Variants in SVEP1 observed in about 807,000 individuals in gnomAD.
The protein encoded by SVEP1 is sushi, von Willebrand factor type A, EGF and pentraxin domain-containing protein 1.
Under a neutral mutation model 367.3 loss-of-function variants are expected in SVEP1, and 164 were observed. That is an observed-to-expected ratio of 0.45 (90% CI 0.39 to 0.51). SVEP1 has a LOEUF of 0.51. Ranked by LOEUF, SVEP1 falls within the 20% of genes least tolerant of loss-of-function variation. The probability of loss-of-function intolerance (pLI) is 0.00; values close to 1 mark genes in which losing one functional copy is unlikely to be tolerated. For synonymous variants in SVEP1, 1,666 were observed against 1,611.6 expected, an observed-to-expected ratio of 1.03 and a Z score of -0.81; for missense variants, 4,117 against 4,425.3, an observed-to-expected ratio of 0.93 and a Z score of 1.98.
chr9:110,540,237 A>G (rs1345499265), intron 3 of SVEP1, among the ~76,000 whole-genome samples: 2 of 152,128 alleles, frequency 1.3e-5, no homozygotes, highest in Non-Finnish European at 2.9e-5. Context: ...TACTAGTAAC[A>G]GAGGTGGAAA....
intron 3 of SVEP1, among the ~76,000 whole-genome samples, chr9:110,539,304 G>A (rs1268300735): frequency 4.6e-5 from 7 of 152,112 alleles, no homozygotes; most frequent in Admixed American, 2.0e-4. Context: ...AATAGCATAC[G>A]AGCTGCAGAA....
intron 5 of SVEP1, among the ~76,000 whole-genome samples, chr9:110,505,818 TC>T (rs768992676): frequency 7.2e-6 from 1 of 139,486 alleles, no homozygotes; most frequent in South Asian, 2.3e-4. Flanking sequence ...TTCTTTTCTC[TC>T]TTTTTTTTTT....
intron 3 of SVEP1, among the ~76,000 whole-genome samples, chr9:110,528,107 T>C (rs2118807844): frequency 7.0e-6 from 1 of 142,366 alleles, no homozygotes; most frequent in Middle Eastern, 3.7e-3. Flanking sequence ...CATACACACA[T>C]ATACATATAT....
intron 3 of SVEP1, among the ~76,000 whole-genome samples, chr9:110,521,660 G>T (rs1829877596): frequency 6.6e-6 from 1 of 152,146 alleles, no homozygotes; most frequent in South Asian, 2.1e-4. Flanking sequence ...ATCCTTTGTT[G>T]TTGAAAGCTC....
rs138841599 is a variant in SVEP1 at position 110,368,039 on chromosome 9, T to C, written c.10695-1479A>G. ...GTTGCAGTAAGCCGAGATTGCACAC[T>C]GCATGCCAGCCTGGGCATCTGAGTG... On this transcript the variant is annotated intron_variant, in intron 47 of 47. Transcript: ENST00000374469. Among the ~76,000 whole-genome samples the C allele has an allele frequency of 6.8e-3, 1,035 of 152,202 alleles. 18 individuals are homozygous for C. The highest frequency in any genetic ancestry group is 0.023 in the African/African-American group (974 of 41,516).
intron 43 of SVEP1, among the ~76,000 whole-genome samples, chr9:110,382,683 A>T (rs978695816): frequency 1.3e-5 from 2 of 151,978 alleles, no homozygotes; most frequent in Admixed American, 6.6e-5. Context: ...TTCTATACTC[A>T]TCTCTTTCAG....
intron 46 of SVEP1, among the ~76,000 whole-genome samples, chr9:110,373,640 G>T (rs1029023066): frequency 2.7e-5 from 4 of 145,460 alleles, no homozygotes; most frequent in Admixed American, 2.7e-4. Flanking sequence ...TTAAGTGGTG[G>T]CTTAAAATTT....
Position 110,366,383 on chromosome 9 carries a change from A to C in SVEP1, c.*156T>G. 1.7e-6 allele frequency: 1 copy of C among 602,700 alleles called. No homozygotes were observed. The highest frequency in any genetic ancestry group is 2.6e-6 in the Non-Finnish European group (1 of 389,252). 37.3% of individuals were successfully genotyped at this position (602,700 alleles called of 1,614,324 possible). On this transcript the variant is annotated 3_prime_UTR_variant, in exon 48 of 48. Transcript: ENST00000374469. The stretch of plus-strand genomic sequence containing the variant: ...AAAGTATGTCACAAGGAATAACAAA[A>C]TATATCACAAAATAAAAAAAGTAAC...
chr9:110,460,039 T>C (rs1332207817), intron 18 of SVEP1, among the ~76,000 whole-genome samples: 4 of 152,238 alleles, frequency 2.6e-5, no homozygotes, highest in African/African-American at 9.6e-5. Flanking sequence ...GACTCCTCCT[T>C]ATTTAATACT....
intron 13 of SVEP1, among the ~76,000 whole-genome samples, chr9:110,477,926 A>G (rs1024912409): frequency 1.3e-5 from 2 of 152,126 alleles, no homozygotes; most frequent in African/African-American, 2.4e-5. Context: ...TTTCCATTTA[A>G]TTAGAGTAAA....
intron 3 of SVEP1, among the ~76,000 whole-genome samples, chr9:110,527,634 T>C (rs1385251026): frequency 6.6e-6 from 1 of 152,070 alleles, no homozygotes; most frequent in African/African-American, 2.4e-5. Flanking sequence ...ATTAGTGAGA[T>C]TGTGCATATT....
At chr9:110,379,566 G>C in intron 43 of SVEP1, 49 bp from the exon 44 acceptor site, 1 of 1,581,242 alleles carries the variant, frequency 6.3e-7, no homozygotes, top group Non-Finnish European at 8.6e-7. Flanking sequence ...AACACAGACT[G>C]AGAACACAGT....
intron 3 of SVEP1, among the ~76,000 whole-genome samples, chr9:110,522,456 G>A (rs750082962): frequency 2.0e-5 from 3 of 152,158 alleles, no homozygotes; most frequent in Non-Finnish European, 4.4e-5. Context: ...ATAGGCCAGT[G>A]GGCCAGCAAA....
intron 18 of SVEP1, among the ~76,000 whole-genome samples, chr9:110,464,547 C>T (rs1264808123): frequency 6.6e-6 from 1 of 152,162 alleles, no homozygotes; most frequent in African/African-American, 2.4e-5. Context: ...CTCTTGTTTA[C>T]TGGTGATCTC....
intron 13 of SVEP1, 29 bp from the exon 14 acceptor site, chr9:110,476,344 T>A: frequency 6.5e-7 from 1 of 1,528,104 alleles, no homozygotes; most frequent in Non-Finnish European, 9.1e-7. Flanking sequence ...GAGGATAAAG[T>A]GTAAATCACT....
At chr9:110,536,527 A>T (rs569967386) in intron 3 of SVEP1, among the ~76,000 whole-genome samples, 1 of 152,022 alleles carries the variant, frequency 6.6e-6, no homozygotes, top group East Asian at 1.9e-4. Flanking sequence ...TGTCTATGGC[A>T]CCTTTTCACA....
intron 26 of SVEP1, 23 bp from the exon 27 acceptor site, chr9:110,443,743 GA>G (rs991839540): frequency 6.5e-6 from 10 of 1,545,758 alleles, no homozygotes; most frequent in Non-Finnish European, 7.9e-6. Flanking sequence ...AGATTCCAGG[GA>G]ATGTAGTCAT....
At chr9:110,481,166 A>C (rs1238768019) in intron 12 of SVEP1, 76 bp downstream of exon 12, 4 of 1,164,978 alleles carry the variant, frequency 3.4e-6, no homozygotes, top group Non-Finnish European at 4.5e-6. Context: ...TCGTAAGGCA[A>C]TTTTCCTCTT....
chr9:110,482,490 C>T lies in SVEP1; in HGVS notation c.2041G>A (p.Ala681Thr). ...DEPQFSDNSG[A>T]ELVITRSHTQ... is the part of the protein sequence containing the mutation. Reference sequence around the variant, plus strand: ...TGACTTCTGGTAATGACCAATTCAGCCCCTGGAAAGGAAAGAAGGCAGCCA... The same window carrying T: ...TGACTTCTGGTAATGACCAATTCAGTCCCTGGAAAGGAAAGAAGGCAGCCA... Residue 681 changes from alanine (A) to threonine (T), a missense_variant and splice_region_variant, in exon 11 of 48, where the codon GCT (alanine) becomes ACT (threonine). Coordinates refer to ENST00000374469, the MANE Select transcript of SVEP1 (RefSeq NM_153366.4). 1 of 1,565,380 alleles carries T rather than the reference C, an allele frequency of 6.4e-7. No homozygotes were observed. The highest frequency in any genetic ancestry group is 1.2e-5 in the South Asian group (1 of 85,440).
Sources: allele counts gnomAD v4.1 joint callset (sites outside exome capture counted in the v4.1 genomes callset), GRCh38; gene constraint gnomAD v4.1.1; transcripts MANE v1.5; gene names NCBI Gene and HGNC (gene_info 2026-07-23, HGNC 2026-07-21).